Variants in PCDHGB6 observed in about 807,000 individuals in gnomAD.
The protein encoded by PCDHGB6 is protocadherin gamma-B6.
Under a neutral mutation model 59.1 loss-of-function variants are expected in PCDHGB6, and 51 were observed. The ratio of observed to expected loss-of-function variants is 0.86; its 90% confidence interval spans 0.69 to 1.09. The LOEUF is 1.09. PCDHGB6 is among the 50% of genes least tolerant of loss of function. The pLI is 0.00. For missense variants in PCDHGB6, 1,148 were observed against 1,205.1 expected, an observed-to-expected ratio of 0.95 and a Z score of 0.70; for synonymous variants, 466 against 495.1, an observed-to-expected ratio of 0.94 and a Z score of 0.78.
chr5:141,429,239 T>C (rs1344971786), intron 1 of PCDHGB6: 1 of 151,802 alleles, frequency 6.6e-6, no homozygotes, highest in East Asian at 1.9e-4. Context: ...ACTGCTGTCA[T>C]TGAGATATTT....
chr5:141,473,053 TACA>T (rs1452453123), intron 1 of PCDHGB6, among the ~76,000 whole-genome samples: 1 of 150,200 alleles, frequency 6.7e-6, no homozygotes, highest in Non-Finnish European at 1.5e-5. Flanking sequence ...AAAGAAGTGA[TACA>T]ACAAGTTACA....
chr5:141,482,510 T>A (rs2099563292), intron 1 of PCDHGB6, among the ~76,000 whole-genome samples: 3 of 121,012 alleles, frequency 2.5e-5, no homozygotes, highest in African/African-American at 3.5e-5. Context: ...GTACCCAGAG[T>A]ACAGTATGAG....
At position 141,408,394 on chromosome 5, in the gene PCDHGB6, C is replaced by T; in HGVS notation, c.192C>T (p.Arg64=). The T allele has an allele frequency of 6.2e-7, 1 of 1,614,034 alleles. No homozygotes were observed. The highest frequency in any genetic ancestry group is 8.5e-7 in the Non-Finnish European group (1 of 1,179,878). The stretch of plus-strand genomic sequence containing the variant: ...TCAGTGTCCTGGATGTGTCGGCTCG[C>T]AAGCTGCGAGTGAGCGCGGAGAAGC... ...LGLSVLDVSA[R]KLRVSAEKLH... The change falls in exon 1 of 4, where the codon CGC becomes CGT. Residue 64 remains arginine (R), a synonymous_variant. Transcript: ENST00000520790.
intron 1 of PCDHGB6, among the ~76,000 whole-genome samples, chr5:141,482,914 A>G (rs1023561837): frequency 6.6e-6 from 1 of 152,162 alleles, no homozygotes; most frequent in Non-Finnish European, 1.5e-5. Context: ...TCTATTAAAA[A>G]TACAAAAAAT....
At chr5:141,473,189 A>G (rs1049891105) in intron 1 of PCDHGB6, among the ~76,000 whole-genome samples, 2 of 152,198 alleles carry the variant, frequency 1.3e-5, no homozygotes, top group Admixed American at 6.5e-5. Flanking sequence ...GAAGGAGTAA[A>G]TGTATCTTCT....
At position 141,491,422 on chromosome 5, in the gene PCDHGB6, G is replaced by T. The variant is rs1413549196; in HGVS notation, c.2419-3385G>T. 1 of 1,614,112 alleles carries T rather than the reference G, an allele frequency of 6.2e-7. No homozygotes were observed. The stretch of plus-strand genomic sequence containing the variant: ...AAACGCAGACGGGGACGGGGGTGGA[G>T]GGCAGTGCTGCAGGCGCCAGGACTC... On this transcript the variant is annotated intron_variant, in intron 1 of 3. Coordinates refer to ENST00000520790, the MANE Select transcript of PCDHGB6 (RefSeq NM_018926.3). The surrounding 1 kb of genome is among the most constrained non-coding windows in gnomAD (Gnocchi z 6.9).
rs1280755615 is a variant in PCDHGB6, at chr5:141,431,629, A to G, written c.2418+21009A>G. 1 of 1,614,246 alleles carries G rather than the reference A, an allele frequency of 6.2e-7. No individual in the cohort carries two copies. ...GGTATGTGGACGACAAGGCGGCCCA[A>G]GTTTTCAAACTAGATTGTAATTCAG... On this transcript the variant is annotated intron_variant, in intron 1 of 3. Transcript: ENST00000520790. The surrounding 1 kb of genome is among the most constrained non-coding windows in gnomAD (Gnocchi z 4.8).
intron 1 of PCDHGB6, chr5:141,414,677 A>AG: frequency 1.9e-6 from 3 of 1,613,794 alleles, no homozygotes; most frequent in South Asian, 2.2e-5. Flanking sequence ...GACACCATCC[A>AG]GGGGGTACCT....
In PCDHGB6 at chr5:141,441,877, C is replaced by T. The variant is rs945298341; in HGVS notation, c.2418+31257C>T. ...GCTGCACGCCGCGGAGCCTGGCTACCTGGTCACCAAGGTGGTGGCTGTAGA... is the reference window on the plus strand; with the variant it reads ...GCTGCACGCCGCGGAGCCTGGCTACTTGGTCACCAAGGTGGTGGCTGTAGA... On this transcript the variant is annotated intron_variant, in intron 1 of 3. Transcript: ENST00000520790. 4 of 343,582 alleles carry T rather than the reference C, an allele frequency of 1.2e-5. No homozygotes were observed. In the Admixed American group the frequency reaches 1.6e-4, roughly 13 times the overall value. 21.3% of individuals were successfully genotyped at this position (343,582 alleles called of 1,614,324 possible).
In PCDHGB6 at chr5:141,490,755, C is replaced by T; in HGVS notation, c.2419-4052C>T. ...AGGTTCAGGGAGCCCCAGCCTCCTC[C>T]TTTGTGTATGTCAACCCAGAGGATG... On this transcript the variant is annotated intron_variant, in intron 1 of 3. Transcript: ENST00000520790. This position sits in a 1 kb window ranked among gnomAD's most constrained non-coding sequence, Gnocchi z 5.4. 1 of 1,614,190 alleles carries T rather than the reference C, an allele frequency of 6.2e-7. No individual in the cohort carries two copies. Among genetic ancestry groups the T allele is most frequent in the Non-Finnish European group, 8.5e-7 (1 of 1,180,026 alleles).
At chr5:141,414,097 T>C (rs1442366960) in intron 1 of PCDHGB6, 1 of 1,594,352 alleles carries the variant, frequency 6.3e-7, no homozygotes, top group South Asian at 1.1e-5. Context: ...AATAAAAATA[T>C]CAGAAAATCT....
chr5:141,418,891 C>G (rs774546487), intron 1 of PCDHGB6: 4 of 1,613,842 alleles, frequency 2.5e-6, no homozygotes, highest in East Asian at 2.2e-5. Context: ...ACGACAACAG[C>G]CCAGAAATAA....
intron 1 of PCDHGB6, among the ~76,000 whole-genome samples, chr5:141,461,001 A>C (rs1309762345): frequency 6.7e-6 from 1 of 150,320 alleles, no homozygotes; most frequent in Admixed American, 6.7e-5. Context: ...ATATATGTGT[A>C]TATATATATA....
At chr5:141,421,813 G>A in intron 1 of PCDHGB6, 1 of 1,613,838 alleles carries the variant, frequency 6.2e-7, no homozygotes, top group Non-Finnish European at 8.5e-7. Flanking sequence ...TCCAGAGCTA[G>A]TACTGGAGGG....
intron 1 of PCDHGB6, chr5:141,430,944 G>T: frequency 1.2e-6 from 2 of 1,609,214 alleles, no homozygotes; most frequent in Non-Finnish European, 1.7e-6. Flanking sequence ...CTCGCGGAGC[G>T]CGGAGTCCGC....
At chr5:141,414,233 T>A in intron 1 of PCDHGB6, 1 of 1,613,474 alleles carries the variant, frequency 6.2e-7, no homozygotes, top group Non-Finnish European at 8.5e-7. Flanking sequence ...GAGCTGACCA[T>A]CACGTCTCTA....
In PCDHGB6 at chr5:141,491,867, T is replaced by A. The variant is rs1424221139; in HGVS notation, c.2419-2940T>A. On this transcript the variant is annotated intron_variant, in intron 1 of 3. Transcript: ENST00000520790. The surrounding 1 kb of genome is among the most constrained non-coding windows in gnomAD (Gnocchi z 6.9). ...TTGGACCGTTTGCGCGAAACCAGAG[T>A]GGCCGATTAAGGGATGGGGCTCCGA... 6.9e-7 allele frequency: 1 copy of A among 1,452,218 alleles called. No homozygotes were observed. The highest frequency in any genetic ancestry group is 9.1e-7 in the Non-Finnish European group (1 of 1,099,056). The allele number at this position is 1,452,218 out of a possible 1,614,324, so 90.0% of individuals were successfully genotyped here. A position where few individuals can be genotyped will look rare whatever the true frequency, so the allele number is the denominator to read the frequency against.
chr5:141,416,449 G>A (rs938389094), intron 1 of PCDHGB6: 1 of 152,138 alleles, frequency 6.6e-6, no homozygotes, highest in Non-Finnish European at 1.5e-5. Context: ...AATATGGGTT[G>A]GGAAGACAGA....
chr5:141,477,475 C>A lies in PCDHGB6; in HGVS notation c.2419-17332C>A. ...TTCAAGTGTCCGACATCAATGACAA[C>A]CCTCCACAATCTTCTCAATCTTCCT... On this transcript the variant is annotated intron_variant, in intron 1 of 3. Coordinates refer to ENST00000520790, the MANE Select transcript of PCDHGB6 (RefSeq NM_018926.3). The surrounding 1 kb of genome is among the most constrained non-coding windows in gnomAD (Gnocchi z 4.9). The A allele has an allele frequency of 3.1e-6, 5 of 1,614,124 alleles. No homozygotes were observed. The highest frequency in any genetic ancestry group is 4.2e-6 in the Non-Finnish European group (5 of 1,180,030).
Sources: gnomAD v4.1 joint callset for allele counts (sites outside exome capture counted in the v4.1 genomes callset) on GRCh38, gnomAD v4.1.1 for gene constraint, Gnocchi (gnomAD v3.1) non-coding constraint, MANE v1.5 for transcripts, NCBI Gene and HGNC (gene_info 2026-07-23, HGNC 2026-07-21) for gene names.